Variants in CPT1A observed in about 807,000 individuals in gnomAD.
CPT1A encodes carnitine O-palmitoyltransferase 1, liver isoform.
Under a neutral mutation model 100.8 loss-of-function variants are expected in CPT1A, and 64 were observed. The ratio of observed to expected loss-of-function variants is 0.63; its 90% CI spans 0.52 to 0.78. CPT1A has a LOEUF of 0.78. Ranked by LOEUF, CPT1A falls within the 30% of genes least tolerant of loss-of-function variation. The pLI, the probability that CPT1A is intolerant of heterozygous loss-of-function variation, is 0.00. For synonymous variants in CPT1A, 363 were observed against 396.0 expected (o/e 0.92, Z 0.99); for missense variants, 802 against 1,034.1 (o/e 0.78, Z 3.08).
chr11:68,801,134 G>A lies in CPT1A; in HGVS notation c.556-1779C>T, dbSNP rs527607047. ...CAAAAAAAAGGGGGAGGGGGCAGGT[G>A]TCAAGCATCTTGAGGCTTATTCAAA... On this transcript the variant is annotated intron_variant, in intron 5 of 18. Transcript: ENST00000265641. Among the ~76,000 whole-genome samples, 7 of 152,292 alleles carry A rather than the reference G, an allele frequency of 4.6e-5. No homozygotes were observed. In the South Asian group the frequency reaches 1.0e-3, roughly 23 times the overall value.
At position 68,830,029 on chromosome 11, in the gene CPT1A, C is replaced by A. The variant is rs1159591398; in HGVS notation, c.-14+11746G>T. On this transcript the variant is annotated intron_variant, in intron 1 of 18. Transcript: ENST00000265641. Reference sequence around the variant, plus strand: ...CAGTGGCTCACACCTGAAATCCCAGCACTTTGGGAGGGCAAGATGGGAAGA... The same window carrying A: ...CAGTGGCTCACACCTGAAATCCCAGAACTTTGGGAGGGCAAGATGGGAAGA... Among the ~76,000 whole-genome samples the A allele has an allele frequency of 2.6e-5, 4 of 152,148 alleles. 1 individual carries two copies.
intron 14 of CPT1A, among the ~76,000 whole-genome samples, chr11:68,768,364 T>C (rs1854884110): frequency 6.6e-6 from 1 of 152,110 alleles, no homozygotes; most frequent in Non-Finnish European, 1.5e-5. Flanking sequence ...CATGACCCAC[T>C]GTGCCCGGCC....
rs762110977 is a variant in CPT1A at position 68,794,818 on chromosome 11, C to T, written c.865G>A (p.Glu289Lys). 1.9e-6 allele frequency: 3 copies of T among 1,614,028 alleles called. No individual in the cohort carries two copies. The highest frequency in any genetic ancestry group is 2.2e-5 in the South Asian group (2 of 91,076). ...ILLYRRKLDR[E>K]EIKPIRLLGS... is the part of the protein sequence containing the mutation. Reference sequence around the variant, plus strand: ...TGTTTGCCTACTGGTTTGATTTCCTCCCGGTCCAGTTTGCGCCTGTAAAGC... The same window carrying T: ...TGTTTGCCTACTGGTTTGATTTCCTTCCGGTCCAGTTTGCGCCTGTAAAGC... Residue 289 changes from glutamate (E) to lysine (K), a missense_variant, in exon 8 of 19, where the codon GAG becomes AAG. Glu to Lys is a moderately conservative substitution (Grantham distance 56). Coordinates refer to ENST00000265641, the MANE Select transcript of CPT1A (RefSeq NM_001876.4).
At chr11:68,772,712 A>G (rs1855023972) in intron 14 of CPT1A, among the ~76,000 whole-genome samples, 1 of 152,150 alleles carries the variant, frequency 6.6e-6, no homozygotes, top group East Asian at 1.9e-4. Context: ...CTGTATGAAA[A>G]TACCAAAATT....
chr11:68,810,556 T>C (rs1268196334), intron 3 of CPT1A, among the ~76,000 whole-genome samples: 3 of 152,214 alleles, frequency 2.0e-5, no homozygotes, highest in Non-Finnish European at 4.4e-5. Flanking sequence ...GTCCAGGGGC[T>C]TCCTGGAGAA....
rs200063190 is a variant in CPT1A at position 68,794,951 on chromosome 11, A to G, written c.772-40T>C. ...AGGTGGAGAGAATTTGCATAGGGAA[A>G]GATAAGCAAATTTAAATAATCACAG... On this transcript the variant is annotated intron_variant, in intron 7 of 18. Transcript: ENST00000265641. 7.4e-6 allele frequency: 11 copies of G among 1,491,794 alleles called. No homozygotes were observed. In the East Asian group the frequency reaches 2.3e-4, roughly 31 times the overall value. 92.4% of individuals were successfully genotyped at this position (1,491,794 alleles called of 1,614,324 possible). A position where few individuals can be genotyped will look rare whatever the true frequency, so the allele number is the denominator to read the frequency against.
intron 1 of CPT1A, among the ~76,000 whole-genome samples, chr11:68,839,876 T>G (rs1857118427): frequency 6.6e-6 from 1 of 152,158 alleles, no homozygotes; most frequent in Non-Finnish European, 1.5e-5. Context: ...GGGACCCAGT[T>G]TAATTCTCTT....
At chr11:68,820,136 C>G (rs1856539837) in intron 1 of CPT1A, among the ~76,000 whole-genome samples, 1 of 146,472 alleles carries the variant, frequency 6.8e-6, no homozygotes, top group Non-Finnish European at 1.5e-5. Flanking sequence ...CTCAGGTGAT[C>G]CTCCCACCTC....
intron 1 of CPT1A, among the ~76,000 whole-genome samples, chr11:68,818,912 C>G (rs890113170): frequency 6.6e-6 from 1 of 152,054 alleles, no homozygotes; most frequent in Non-Finnish European, 1.5e-5. Context: ...AGGCACGCAG[C>G]CAACTCCCAC....
Position 68,768,491 on chromosome 11 carries a change from C to T in CPT1A, c.1740+4774G>A, listed in dbSNP as rs757426269. On this transcript the variant is annotated intron_variant, in intron 14 of 18. Transcript: ENST00000265641. ...CGTGGTCTTGGCGGCTCACTGCAAC[C>T]TCCACCTCCCACGTTCAAGTGATTC... Among the ~76,000 whole-genome samples the T allele has an allele frequency of 5.7e-4, 87 of 152,134 alleles. 1 individual carries two copies. Among genetic ancestry groups the T allele is most frequent in the Middle Eastern group, 3.4e-3 (1 of 294 alleles).
At chr11:68,763,427 A>G (rs530030975) in intron 14 of CPT1A, among the ~76,000 whole-genome samples, 1 of 152,286 alleles carries the variant, frequency 6.6e-6, no homozygotes, top group African/African-American at 2.4e-5. Flanking sequence ...GAAATGATTT[A>G]AAGACACAAC....
intron 14 of CPT1A, among the ~76,000 whole-genome samples, chr11:68,771,157 C>T (rs1854977986): frequency 2.0e-5 from 3 of 152,176 alleles, no homozygotes; most frequent in Admixed American, 2.0e-4. Flanking sequence ...AGGGTGGCTC[C>T]CTGACAACCT....
chr11:68,772,442 C>T (rs1465848502), intron 14 of CPT1A, among the ~76,000 whole-genome samples: 1 of 152,194 alleles, frequency 6.6e-6, no homozygotes, highest in Non-Finnish European at 1.5e-5. Context: ...GGATGGAATG[C>T]TCCCTCCAAT....
intron 2 of CPT1A, 95 bp downstream of exon 2, chr11:68,815,239 G>T: frequency 2.4e-6 from 3 of 1,276,582 alleles, no homozygotes; most frequent in Non-Finnish European, 2.3e-6. Flanking sequence ...ATATGCAGTC[G>T]CCAGTCTGAA....
At chr11:68,767,416 C>G (rs1299324979) in intron 14 of CPT1A, among the ~76,000 whole-genome samples, 1 of 152,082 alleles carries the variant, frequency 6.6e-6, no homozygotes, top group Non-Finnish European at 1.5e-5. Context: ...AGGTGAAACC[C>G]CATCTCTACA....
At chr11:68,825,402 C>A (rs1287996124) in intron 1 of CPT1A, among the ~76,000 whole-genome samples, 2 of 152,108 alleles carry the variant, frequency 1.3e-5, no homozygotes, top group Admixed American at 6.6e-5. Context: ...ATAGCCCACC[C>A]AATACAACAG....
At chr11:68,760,619 C>G (rs537362107) in intron 16 of CPT1A, among the ~76,000 whole-genome samples, 3 of 152,152 alleles carry the variant, frequency 2.0e-5, no homozygotes, top group Non-Finnish European at 4.4e-5. Flanking sequence ...GAGTAAGATT[C>G]GGAACGGGGA....
rs747575697 is a variant in CPT1A, at chr11:68,815,428, G to A, written c.47C>T (p.Pro16Leu). Residue 16 changes from proline to leucine, a missense_variant, in exon 2 of 19, where the codon CCG (proline) becomes CTG (leucine). Physicochemically the swap from Pro to Leu is moderately conservative, Grantham distance 98. This residue lies in a region of CPT1A where 11 missense variants were observed against 31.4 expected (regional missense o/e 0.35). Transcript: ENST00000265641. The stretch of plus-strand genomic sequence containing the variant: ...GCTCAGCCGCAGGTCAATCCCGTCC[G>A]GAGTGACCGTGAACTGAAAGGCCAC... The part of the protein sequence containing the change: ...QAVAFQFTVT[P>L]DGIDLRLSHE... 2 of 1,614,072 alleles carry A rather than the reference G, an allele frequency of 1.2e-6. No homozygotes were observed. The highest frequency in any genetic ancestry group is 1.7e-5 in the Admixed American group (1 of 60,000).
At chr11:68,769,597 A>G (rs1166280163) in intron 14 of CPT1A, among the ~76,000 whole-genome samples, 1 of 152,016 alleles carries the variant, frequency 6.6e-6, no homozygotes, top group Admixed American at 6.6e-5. Context: ...TTGAAAAAGT[A>G]CATGTCCACC....
Sources: allele counts gnomAD v4.1 joint callset (sites outside exome capture counted in the v4.1 genomes callset), GRCh38; gene constraint gnomAD v4.1.1; regional missense constraint gnomAD v4.1.1; transcripts MANE v1.5; gene names NCBI Gene and HGNC (gene_info 2026-07-23, HGNC 2026-07-21).